The following DLG2 variants were observed in gnomAD, a reference collection of about 807,000 sequenced individuals.
DLG2 encodes the protein disks large homolog 2.
Under a neutral mutation model 132.5 loss-of-function variants are expected in DLG2, and 45 were observed. The ratio of observed to expected loss-of-function variants is 0.34; its 90% CI spans 0.27 to 0.44. DLG2 has a LOEUF of 0.44. Ranked by LOEUF, DLG2 falls within the 20% of genes least tolerant of loss-of-function variation. DLG2 has a pLI of 1.00. For missense variants in DLG2, 1,045 were observed against 1,196.9 expected (o/e 0.87, Z 1.87); for synonymous variants, 424 against 419.6 (o/e 1.01, Z -0.13).
chr11:83,626,830 C>T (rs1048494850), intron 19 of DLG2, among the ~76,000 whole-genome samples: 2 of 152,106 alleles, frequency 1.3e-5, no homozygotes, highest in Non-Finnish European at 2.9e-5. Flanking sequence ...CTGGGTAGAG[C>T]CTTGTTTGGA....
At chr11:84,519,305 T>C (rs1051780803) in intron 7 of DLG2, among the ~76,000 whole-genome samples, 11 of 152,180 alleles carry the variant, frequency 7.2e-5, no homozygotes, top group African/African-American at 2.7e-4. Context: ...CTATGGAAAG[T>C]GTATCATCAT....
chr11:84,103,547 A>C (rs1405779535), intron 9 of DLG2, among the ~76,000 whole-genome samples: 2 of 152,154 alleles, frequency 1.3e-5, no homozygotes, highest in African/African-American at 4.8e-5. Flanking sequence ...GTGTCCTTGC[A>C]GTTGGGAAGA....
chr11:84,250,266 C>T (rs1446097032), intron 8 of DLG2, among the ~76,000 whole-genome samples: 1 of 152,146 alleles, frequency 6.6e-6, no homozygotes, highest in African/African-American at 2.4e-5. Context: ...TTCTATTCCC[C>T]ACAGGCCCCA....
intron 3 of DLG2, among the ~76,000 whole-genome samples, chr11:85,289,600 T>C (rs1177489027): frequency 1.3e-5 from 2 of 152,300 alleles, no homozygotes; most frequent in Admixed American, 6.5e-5. Flanking sequence ...AACAAACAGA[T>C]GGTAAAATGT....
chr11:84,006,938 G>T (rs2094600626), intron 11 of DLG2, among the ~76,000 whole-genome samples: 1 of 151,604 alleles, frequency 6.6e-6, no homozygotes, highest in South Asian at 2.1e-4. Flanking sequence ...CACAAAAGAT[G>T]TCTGCAATCT....
chr11:84,186,660 G>A lies in DLG2; in HGVS notation c.574-23149C>T, dbSNP rs146705209. Among the ~76,000 whole-genome samples, 239 of 151,900 alleles carry A rather than the reference G, an allele frequency of 1.6e-3. 1 individual carries two copies. The highest frequency in any genetic ancestry group is 2.8e-3 in the Non-Finnish European group (193 of 67,928). ...TATTAGATAAGTTAGTATATGATCC[G>A]TCTCTGAACACTCCTCCTATCTAGA... On this transcript the variant is annotated intron_variant, in intron 8 of 27. Transcript: ENST00000376104.
At chr11:83,922,035 T>C (rs1225857256) in intron 15 of DLG2, among the ~76,000 whole-genome samples, 1 of 152,084 alleles carries the variant, frequency 6.6e-6, no homozygotes, top group Non-Finnish European at 1.5e-5. Flanking sequence ...GCAGAGTAAA[T>C]AAGAGCTTTT....
intron 3 of DLG2, among the ~76,000 whole-genome samples, chr11:85,483,377 A>G (rs1324753142): frequency 6.6e-6 from 1 of 152,210 alleles, no homozygotes; most frequent in Non-Finnish European, 1.5e-5. Flanking sequence ...TATCTAGCAA[A>G]GCTGTTTTTC....
At chr11:83,869,014 A>C (rs573339799) in intron 16 of DLG2, among the ~76,000 whole-genome samples, 7 of 152,138 alleles carry the variant, frequency 4.6e-5, no homozygotes, top group Non-Finnish European at 1.0e-4. Context: ...AGAAGTCCAT[A>C]AGCCAAAATT....
At chr11:84,814,108 C>T (rs1185853420) in intron 6 of DLG2, among the ~76,000 whole-genome samples, 2 of 152,014 alleles carry the variant, frequency 1.3e-5, no homozygotes, top group African/African-American at 4.8e-5. Context: ...GCGAAATGCG[C>T]TTGTAGATTT....
intron 6 of DLG2, among the ~76,000 whole-genome samples, chr11:84,719,938 G>A (rs954811865): frequency 3.9e-5 from 6 of 152,100 alleles, no homozygotes; most frequent in African/African-American, 1.4e-4. Flanking sequence ...GTAGTAACCT[G>A]AGATGAGTTC....
intron 9 of DLG2, among the ~76,000 whole-genome samples, chr11:84,104,392 TG>T (rs2092758576): frequency 6.6e-6 from 1 of 151,794 alleles, no homozygotes; most frequent in Admixed American, 6.6e-5. Context: ...AACATAAAGA[TG>T]GGGACAATAG....
In DLG2 at chr11:83,587,883, C is replaced by T. The variant is rs560518374; in HGVS notation, c.1940+45328G>A. ...CTGAGTCAAGGAAAGGGGTGACGGA[C>T]GGCACCTGGAAAATCAGGTCACTCC... On this transcript the variant is annotated intron_variant, in intron 19 of 27. Coordinates refer to ENST00000376104, the MANE Select transcript of DLG2 (RefSeq NM_001142699.3). Among the ~76,000 whole-genome samples, 61 of 152,204 alleles carry T rather than the reference C, an allele frequency of 4.0e-4. No individual in the cohort carries two copies. The Middle Eastern group carries it at 0.01, about 25-fold the overall frequency.
chr11:84,366,135 C>A (rs1279279112), intron 7 of DLG2, among the ~76,000 whole-genome samples: 1 of 152,042 alleles, frequency 6.6e-6, no homozygotes, highest in African/African-American at 2.4e-5. Context: ...CTCTACAAGC[C>A]AGAAGAGAGT....
chr11:83,830,372 A>C (rs2054135975), intron 17 of DLG2, among the ~76,000 whole-genome samples: 1 of 152,254 alleles, frequency 6.6e-6, no homozygotes, highest in South Asian at 2.1e-4. Flanking sequence ...GTATCACTAG[A>C]TCACCTTTTT....
chr11:83,671,450 G>C (rs1276049720), intron 18 of DLG2, among the ~76,000 whole-genome samples: 2 of 152,166 alleles, frequency 1.3e-5, no homozygotes, highest in Non-Finnish European at 2.9e-5. Context: ...GCAGTCAATG[G>C]AAGGACAAAG....
chr11:84,409,734 T>C (rs1052275568), intron 7 of DLG2, among the ~76,000 whole-genome samples: 1 of 152,234 alleles, frequency 6.6e-6, no homozygotes, highest in Non-Finnish European at 1.5e-5. Context: ...TCCAAATTTC[T>C]TTCTGAATCA....
At chr11:84,391,626 T>C (rs1230192092) in intron 7 of DLG2, among the ~76,000 whole-genome samples, 1 of 152,158 alleles carries the variant, frequency 6.6e-6, no homozygotes, top group Non-Finnish European at 1.5e-5. Flanking sequence ...CTAGTAGAGA[T>C]GTGAATTTGT....
In DLG2 at chr11:84,008,654, A is replaced by G. The variant is rs552946764; in HGVS notation, c.920-28012T>C. On this transcript the variant is annotated intron_variant, in intron 11 of 27. Transcript: ENST00000376104. ...TAGAGAGAGAAGGGTAAAAAGAAAA[A>G]GAAGAAAAAAAGCTCTGACAAGTGA... is the stretch of plus-strand genomic sequence containing the variant. Among the ~76,000 whole-genome samples, 29 of 152,092 alleles carry G rather than the reference A, an allele frequency of 1.9e-4. No individual in the cohort carries two copies. In the South Asian group the frequency reaches 5.8e-3, roughly 30 times the overall value.
Sources: gnomAD v4.1 joint callset for allele counts (sites outside exome capture counted in the v4.1 genomes callset) on GRCh38, gnomAD v4.1.1 for gene constraint, MANE v1.5 for transcripts, NCBI Gene and HGNC (gene_info 2026-07-23, HGNC 2026-07-21) for gene names.